Variants in ARHGAP15 observed in about 807,000 individuals in gnomAD.
ARHGAP15 encodes rho GTPase-activating protein 15.
In ARHGAP15, 51 loss-of-function variants were observed where a neutral mutation model predicts 63.7. The observed-to-expected ratio is 0.80, with a 90% confidence interval of 0.64 to 1.01. ARHGAP15 has a LOEUF of 1.01. Among genes scored for constraint, ARHGAP15 ranks in the 50% least tolerant of loss-of-function variants. The probability of loss-of-function intolerance (pLI) is 0.00; values close to 1 mark genes in which losing one functional copy is unlikely to be tolerated. For synonymous variants in ARHGAP15, 191 were observed against 193.8 expected (o/e 0.99, Z 0.12); for missense variants, 560 against 564.6 (o/e 0.99, Z 0.08).
intron 8 of ARHGAP15, among the ~76,000 whole-genome samples, chr2:143,441,369 A>G (rs1299829886): frequency 6.6e-6 from 1 of 152,196 alleles, no homozygotes; most frequent in Non-Finnish European, 1.5e-5. Context: ...GAAACAGTAG[A>G]AAGGAGCCAA....
intron 8 of ARHGAP15, among the ~76,000 whole-genome samples, chr2:143,458,911 C>G (rs1291297411): frequency 2.0e-5 from 3 of 152,206 alleles, no homozygotes; most frequent in South Asian, 2.1e-4. Context: ...CACCTGACCT[C>G]TTAAATGTAG....
At chr2:143,312,494 T>C (rs973610318) in intron 6 of ARHGAP15, among the ~76,000 whole-genome samples, 3 of 152,184 alleles carry the variant, frequency 2.0e-5, no homozygotes, top group African/African-American at 7.2e-5. Context: ...AAAAAAAGCA[T>C]GTTCAAAAAT....
At chr2:143,555,707 T>G (rs1188344552) in intron 10 of ARHGAP15, among the ~76,000 whole-genome samples, 4 of 152,076 alleles carry the variant, frequency 2.6e-5, no homozygotes, top group Non-Finnish European at 4.4e-5. Flanking sequence ...TCGCTAAAGA[T>G]TTTTTAAATT....
intron 6 of ARHGAP15, among the ~76,000 whole-genome samples, chr2:143,369,040 G>A (rs1686425102): frequency 6.6e-6 from 1 of 152,060 alleles, no homozygotes. Flanking sequence ...ACTTCCCAAT[G>A]TGCAGCAAGG....
rs199800603 is a variant in ARHGAP15, at chr2:143,386,074, T to G, written c.475-49527T>G. ...TTTATGGCCAAGCATAAAGAATGAATAGTTTCCTTAAAACCTACATGATGT... is the reference window on the plus strand; with the variant it reads ...TTTATGGCCAAGCATAAAGAATGAAGAGTTTCCTTAAAACCTACATGATGT... On this transcript the variant is annotated intron_variant, in intron 6 of 13. Coordinates refer to ENST00000295095, the MANE Select transcript of ARHGAP15 (RefSeq NM_018460.4). 2.0e-5 allele frequency among the ~76,000 whole-genome samples: 3 copies of G among 152,276 alleles called. No individual in the cohort carries two copies. In the East Asian group the frequency reaches 5.8e-4, roughly 29 times the overall value.
Position 143,535,265 on chromosome 2 carries a change from C to CTCTCCCA in ARHGAP15, c.925+15903_925+15909dup. On this transcript the variant is annotated intron_variant, in intron 10 of 13. Coordinates refer to ENST00000295095, the MANE Select transcript of ARHGAP15 (RefSeq NM_018460.4). ...TTGTACCCATTTTCCCTTTCTGTTC[C>CTCTCCCA]TCTCCCATTATGTACTTGCCCCCTT... is the stretch of plus-strand genomic sequence containing the variant. Among the ~76,000 whole-genome samples the CTCTCCCA allele has an allele frequency of 1.3e-5, 2 of 152,206 alleles. 1 individual carries two copies. The highest frequency in any genetic ancestry group is 4.1e-4 in the South Asian group (2 of 4,820).
chr2:143,437,104 A>G (rs974442029), intron 8 of ARHGAP15, 62 bp downstream of exon 8: 41 of 1,492,662 alleles, frequency 2.7e-5, no homozygotes, highest in Non-Finnish European at 3.3e-5. Context: ...TATGAAATAT[A>G]AATGCATTGA....
chr2:143,291,618 G>A (rs945278349), intron 6 of ARHGAP15, among the ~76,000 whole-genome samples: 1 of 152,090 alleles, frequency 6.6e-6, no homozygotes, highest in Admixed American at 6.6e-5. Context: ...GCTGGTAGAT[G>A]CCAGGCAATC....
chr2:143,546,868 A>G (rs1695355484), intron 10 of ARHGAP15, among the ~76,000 whole-genome samples: 1 of 152,138 alleles, frequency 6.6e-6, no homozygotes, highest in African/African-American at 2.4e-5. Context: ...AACAGCTCTC[A>G]CTTAATGATA....
At position 143,487,399 on chromosome 2, in the gene ARHGAP15, G is replaced by T. The variant is rs374653128; in HGVS notation, c.730G>T (p.Asp244Tyr). 1.4e-5 allele frequency: 22 copies of T among 1,613,556 alleles called. No homozygotes were observed. The highest frequency in any genetic ancestry group is 1.9e-5 in the Non-Finnish European group (22 of 1,179,794). Residue 244 changes from aspartate (D) to tyrosine (Y), a missense_variant, in exon 9 of 14, where the codon GAT becomes TAT. Coordinates refer to ENST00000295095, the MANE Select transcript of ARHGAP15 (RefSeq NM_018460.4). ...GTTCAGACTGCATCACAGTGCTTCC[G>T]ATACAAGCGACAAAAATCGAGTTAA... is the stretch of plus-strand genomic sequence containing the variant. ...LMFRLHHSAS[D>Y]TSDKNRVKSR...
intron 13 of ARHGAP15, among the ~76,000 whole-genome samples, chr2:143,725,934 TATATG>T (rs1685253524): frequency 6.6e-6 from 1 of 152,226 alleles, no homozygotes; most frequent in African/African-American, 2.4e-5. Context: ...TACAAACAGC[TATATG>T]GCTTGTAAAA....
At chr2:143,265,502 G>A (rs1680944593) in intron 6 of ARHGAP15, among the ~76,000 whole-genome samples, 1 of 152,098 alleles carries the variant, frequency 6.6e-6, no homozygotes, top group Non-Finnish European at 1.5e-5. Context: ...ATGGTATTTT[G>A]CTATTTGTTT....
intron 12 of ARHGAP15, among the ~76,000 whole-genome samples, chr2:143,644,349 C>A (rs1340300788): frequency 1.3e-5 from 2 of 152,000 alleles, no homozygotes; most frequent in African/African-American, 4.8e-5. Flanking sequence ...ACATCAGGGT[C>A]TTCAGGGGAG....
intron 13 of ARHGAP15, among the ~76,000 whole-genome samples, chr2:143,733,068 T>G (rs1187081029): frequency 6.6e-6 from 1 of 152,188 alleles, no homozygotes; most frequent in Non-Finnish European, 1.5e-5. Flanking sequence ...AGAAAGTCTT[T>G]GTCCAGGATT....
At chr2:143,605,535 G>C (rs12612108) in intron 11 of ARHGAP15, among the ~76,000 whole-genome samples, 47,405 of 151,822 alleles carry the variant, frequency 0.31, 8,191 homozygotes, top group East Asian at 0.42. Context: ...AAACAAGACA[G>C]ATACCCCAGG....
chr2:143,340,019 G>A (rs904446277), intron 6 of ARHGAP15, among the ~76,000 whole-genome samples: 1 of 151,990 alleles, frequency 6.6e-6, no homozygotes, highest in African/African-American at 2.4e-5. Flanking sequence ...CCCAACATTA[G>A]TGTTCTTTCT....
intron 11 of ARHGAP15, among the ~76,000 whole-genome samples, chr2:143,615,533 T>C (rs561884331): frequency 2.6e-5 from 4 of 152,300 alleles, no homozygotes; most frequent in African/African-American, 7.2e-5. Flanking sequence ...TTAAGAACTC[T>C]CATTTGACAA....
intron 10 of ARHGAP15, among the ~76,000 whole-genome samples, chr2:143,539,343 T>C (rs1353012605): frequency 1.7e-5 from 2 of 118,626 alleles, no homozygotes; most frequent in Non-Finnish European, 3.7e-5. Flanking sequence ...CCTGGATTCA[T>C]TGATTTTTTG....
chr2:143,729,836 G>A (rs970557700), intron 13 of ARHGAP15, among the ~76,000 whole-genome samples: 3 of 152,216 alleles, frequency 2.0e-5, no homozygotes, highest in Non-Finnish European at 4.4e-5. Flanking sequence ...GAAAGTACAT[G>A]TTGAAAGTTA....
Sources: allele counts gnomAD v4.1 joint callset (sites outside exome capture counted in the v4.1 genomes callset), GRCh38; gene constraint gnomAD v4.1.1; transcripts MANE v1.5; gene names NCBI Gene and HGNC (gene_info 2026-07-23, HGNC 2026-07-21).